Variants in EPB41 observed in about 807,000 individuals in gnomAD.
The protein encoded by EPB41 is erythrocyte membrane protein band 4.1.
Under a neutral mutation model 108.0 loss-of-function variants are expected in EPB41, and 65 were observed. That is an observed-to-expected ratio of 0.60 (90% confidence interval 0.49 to 0.74). The LOEUF is 0.74. Among genes scored for constraint, EPB41 ranks in the 30% least tolerant of loss-of-function variants. The pLI, the probability that EPB41 is intolerant of heterozygous loss-of-function variation, is 0.00. For synonymous variants in EPB41, 336 were observed against 358.9 expected (o/e 0.94, Z 0.72); for missense variants, 875 against 1,037.0 (o/e 0.84, Z 2.15).
At chr1:28,891,698 G>A (rs2090130040) in intron 1 of EPB41, among the ~76,000 whole-genome samples, 1 of 152,190 alleles carries the variant, frequency 6.6e-6, no homozygotes, top group African/African-American at 2.4e-5. Context: ...GTCCAAAGCT[G>A]CAGTTCCGGG....
At chr1:29,050,993 A>G (rs1391866223) in intron 11 of EPB41, among the ~76,000 whole-genome samples, 2 of 150,266 alleles carry the variant, frequency 1.3e-5, no homozygotes, top group African/African-American at 4.9e-5. Context: ...GGATTCTTGA[A>G]TTTCTGCTGT....
In EPB41 at chr1:29,109,373, T is replaced by G. The variant is rs1027047235; in HGVS notation, c.2351T>G (p.Leu784Trp). The G allele has an allele frequency of 1.9e-6, 3 of 1,614,106 alleles. No homozygotes were observed. The highest frequency in any genetic ancestry group is 1.1e-5 in the South Asian group (1 of 91,082). The part of the protein sequence containing the change: ...DNSGDLDPGV[L>W]LTAQTITSET... ...AGTGGAGACTTGGACCCAGGAGTCTTGCTGACAGCTCAAACTATCACATCT... is the reference window on the plus strand; with the variant it reads ...AGTGGAGACTTGGACCCAGGAGTCTGGCTGACAGCTCAAACTATCACATCT... Residue 784 changes from leucine to tryptophan, a missense_variant, in exon 18 of 21, where the codon TTG (leucine) becomes TGG (tryptophan). Transcript: ENST00000343067.
rs1204147204 is a variant in EPB41 at position 28,934,666 on chromosome 1, T to TTGTGTGTGTGTGTGTGTGTG, written c.-8+19918_-8+19937dup. Among the ~76,000 whole-genome samples, 369 of 136,388 alleles carry TTGTGTGTGTGTGTGTGTGTG rather than the reference T, an allele frequency of 2.7e-3. 5 individuals carry two copies. The highest frequency in any genetic ancestry group is 7.1e-3 in the African/African-American group (246 of 34,646). 89.5% of individuals were successfully genotyped at this position (136,388 alleles called of 152,430 possible). A position where few individuals can be genotyped will look rare whatever the true frequency, so the allele number is the denominator to read the frequency against. ...TGGTTGGCCTCTGGTTCTTTTGACA[T>TTGTGTGTGTGTGTGTGTGTG]TGTGTGTGTGTGTGTGTGTGTGTGT... On this transcript the variant is annotated intron_variant, in intron 1 of 20. Coordinates refer to ENST00000343067, the MANE Select transcript of EPB41 (RefSeq NM_001376013.1).
chr1:29,101,080 C>T (rs1352706136), intron 17 of EPB41, among the ~76,000 whole-genome samples: 1 of 151,986 alleles, frequency 6.6e-6, no homozygotes, highest in Non-Finnish European at 1.5e-5. Context: ...CAAAATTAGC[C>T]GGGCACGGTG....
At chr1:28,996,159 AATCTACTCAGCTTGT>A (rs906338900) in intron 3 of EPB41, among the ~76,000 whole-genome samples, 2 of 152,220 alleles carry the variant, frequency 1.3e-5, no homozygotes, top group Non-Finnish European at 2.9e-5. Flanking sequence ...AAGTTAATTG[AATCTACTCAGCTTGT>A]TTAGCTAGTA....
chr1:28,931,228 C>A (rs1347356011), intron 1 of EPB41, among the ~76,000 whole-genome samples: 2 of 151,612 alleles, frequency 1.3e-5, no homozygotes, highest in African/African-American at 4.8e-5. Flanking sequence ...TGATACCACA[C>A]CTCTACAAAA....
At chr1:28,937,426 C>T (rs1166365533) in intron 1 of EPB41, among the ~76,000 whole-genome samples, 3 of 152,118 alleles carry the variant, frequency 2.0e-5, no homozygotes, top group Non-Finnish European at 4.4e-5. Flanking sequence ...CAGAGTCTCG[C>T]TCTTGTCGCC....
intron 12 of EPB41, chr1:29,054,440 G>A (rs560894241): frequency 2.7e-5 from 4 of 150,762 alleles, no homozygotes; most frequent in African/African-American, 9.8e-5. Flanking sequence ...AAGTGTTCTC[G>A]CTTTGGCAGA....
At chr1:29,047,118 C>G (rs1300409869) in intron 11 of EPB41, among the ~76,000 whole-genome samples, 3 of 152,096 alleles carry the variant, frequency 2.0e-5, no homozygotes, top group Admixed American at 6.6e-5. Context: ...GAAGCCATAT[C>G]TGGTCCTAGA....
At position 28,938,416 on chromosome 1, in the gene EPB41, A is replaced by G. The variant is rs142405263; in HGVS notation, c.-8+23648A>G. Reference sequence around the variant, plus strand: ...AGTTTTCAATGCAAATCTTGTATGTACTTTGTTTGTTAAATTTATTCCCAA... The same window carrying G: ...AGTTTTCAATGCAAATCTTGTATGTGCTTTGTTTGTTAAATTTATTCCCAA... On this transcript the variant is annotated intron_variant, in intron 1 of 20. Coordinates refer to ENST00000343067, the MANE Select transcript of EPB41 (RefSeq NM_001376013.1). Among the ~76,000 whole-genome samples, 767 of 152,028 alleles carry G rather than the reference A, an allele frequency of 5.0e-3. 6 individuals carry two copies. The highest frequency in any genetic ancestry group is 0.015 in the African/African-American group (637 of 41,460).
intron 1 of EPB41, among the ~76,000 whole-genome samples, chr1:28,942,693 T>C (rs2094338329): frequency 6.6e-6 from 1 of 152,172 alleles, no homozygotes; most frequent in Non-Finnish European, 1.5e-5. Context: ...GGGACATGGG[T>C]GATCAGCTCA....
rs1646321444 is a variant in EPB41, at chr1:29,060,493, G to A, written c.2007+9G>A. ...GCAATTTAATGTTGGAGGTTTGTAT[G>A]AACTTGAAGCTTATTTCAGTTGGTT... On this transcript the variant is annotated intron_variant, in intron 15 of 20. Coordinates refer to ENST00000343067, the MANE Select transcript of EPB41 (RefSeq NM_001376013.1). 1 of 1,610,518 alleles carries A rather than the reference G, an allele frequency of 6.2e-7. No homozygotes were observed. Among genetic ancestry groups the A allele is most frequent in the Non-Finnish European group, 8.5e-7 (1 of 1,176,890 alleles).
intron 1 of EPB41, among the ~76,000 whole-genome samples, chr1:28,909,290 T>C (rs1247763468): frequency 6.6e-6 from 1 of 151,954 alleles, no homozygotes; most frequent in African/African-American, 2.4e-5. Context: ...TATGACTTAA[T>C]ATATGTACAC....
chr1:28,907,410 C>T (rs2091923288), intron 1 of EPB41, among the ~76,000 whole-genome samples: 1 of 151,726 alleles, frequency 6.6e-6, no homozygotes, highest in African/African-American at 2.4e-5. Context: ...GTTACCCAGG[C>T]TGGTCTCAAA....
chr1:29,093,020 G>A (rs1396749254), intron 16 of EPB41, among the ~76,000 whole-genome samples: 1 of 152,158 alleles, frequency 6.6e-6, no homozygotes, highest in East Asian at 1.9e-4. Context: ...ACATACACAT[G>A]CATGTGTCTT....
In EPB41 at chr1:29,109,422, A is replaced by T; in HGVS notation, c.2400A>T (p.Thr800=). Reference sequence around the variant, plus strand: ...CTGAGACCCCAAGCAGCACCACCACAACTCAAATTACCAAGGTAACAGACC... The same window carrying T: ...CTGAGACCCCAAGCAGCACCACCACTACTCAAATTACCAAGGTAACAGACC... The part of the protein sequence containing the change: ...ITSETPSSTT[T]TQITKTVKGG... The change falls in exon 18 of 21, where the codon ACA becomes ACT. Residue 800 remains threonine, a synonymous_variant. Coordinates refer to ENST00000343067, the MANE Select transcript of EPB41 (RefSeq NM_001376013.1). 6.2e-7 allele frequency: 1 copy of T among 1,614,090 alleles called. No individual in the cohort carries two copies.
intron 17 of EPB41, among the ~76,000 whole-genome samples, chr1:29,108,026 C>CT: frequency 1.0e-5 from 1 of 96,548 alleles, no homozygotes; most frequent in Admixed American, 1.2e-4. Context: ...AAGACTCCAT[C>CT]TCAAAAAAAA....
At chr1:28,948,240 G>A (rs1228487338) in intron 1 of EPB41, among the ~76,000 whole-genome samples, 2 of 152,070 alleles carry the variant, frequency 1.3e-5, no homozygotes, top group African/African-American at 4.8e-5. Context: ...CAGGCTGGGC[G>A]TGGTGACTCA....
chr1:29,114,715 A>G (rs1670326804), intron 19 of EPB41, among the ~76,000 whole-genome samples: 1 of 151,510 alleles, frequency 6.6e-6, no homozygotes, highest in Non-Finnish European at 1.5e-5. Context: ...ACTGAAATTC[A>G]GTTTCCTCAC....
Sources: gnomAD v4.1 joint callset for allele counts (sites outside exome capture counted in the v4.1 genomes callset) on GRCh38, gnomAD v4.1.1 for gene constraint, MANE v1.5 for transcripts, NCBI Gene and HGNC (gene_info 2026-07-23, HGNC 2026-07-21) for gene names.